Variants in ELMO1 observed in about 807,000 individuals in gnomAD.
ELMO1 encodes the protein engulfment and cell motility 1, also known as engulfment and cell motility protein 1.
A neutral mutation model predicts 98.9 loss-of-function variants in ELMO1; 26 were observed. That is an observed-to-expected ratio of 0.26 (90% CI 0.19 to 0.36). ELMO1 has a LOEUF of 0.36. Ranked by LOEUF, ELMO1 falls within the 10% of genes least tolerant of loss-of-function variation. The pLI, the probability that ELMO1 is intolerant of heterozygous loss-of-function variation, is 1.00. For synonymous variants in ELMO1, 346 were observed against 346.0 expected, an observed-to-expected ratio of 1.00 and a Z score of 0.00; for missense variants, 627 against 935.2, an observed-to-expected ratio of 0.67 and a Z score of 4.30.
At chr7:36,926,208 G>C (rs1189172883) in intron 16 of ELMO1, among the ~76,000 whole-genome samples, 1 of 152,198 alleles carries the variant, frequency 6.6e-6, no homozygotes, top group East Asian at 1.9e-4. Flanking sequence ...CAGACTGAGA[G>C]TCCATCCTCA....
intron 1 of ELMO1, among the ~76,000 whole-genome samples, chr7:37,402,779 A>T (rs1324078129): frequency 6.6e-6 from 1 of 152,218 alleles, no homozygotes; most frequent in Non-Finnish European, 1.5e-5. Flanking sequence ...TAAAAGTAGT[A>T]CCTGCATTTT....
Position 37,375,669 on chromosome 7 carries a change from G to GCA in ELMO1, c.-73-32908_-73-32907dup. ...CCAACCTTCAGGTCATGAAGGCCAT[G>GCA]CAGTCTCTCAAGTCCCGAGGCTGTG... is the stretch of plus-strand genomic sequence containing the variant. On this transcript the variant is annotated intron_variant, in intron 1 of 21. Transcript: ENST00000310758. 3 of 1,249,202 alleles carry GCA rather than the reference G, an allele frequency of 2.4e-6. No individual in the cohort carries two copies. In the East Asian group the frequency reaches 7.0e-5, roughly 29 times the overall value. The allele number at this position is 1,249,202 out of a possible 1,614,324, so 77.4% of individuals were successfully genotyped here.
intron 5 of ELMO1, 128 bp downstream of exon 5, chr7:37,271,704 G>GCCTTTTGCTTTGCACTAAAGCAT: frequency 1.1e-6 from 1 of 943,396 alleles, no homozygotes; most frequent in Non-Finnish European, 1.6e-6. Context: ...GAATCTGCAT[G>GCCTTTTGCTTTGCACTAAAGCAT]TCAGGACATT....
At chr7:37,174,204 C>A (rs1790368884) in intron 13 of ELMO1, among the ~76,000 whole-genome samples, 1 of 152,182 alleles carries the variant, frequency 6.6e-6, no homozygotes, top group Non-Finnish European at 1.5e-5. Context: ...CCTCCCACTT[C>A]CTTTTTCCTA....
intron 21 of ELMO1, among the ~76,000 whole-genome samples, chr7:36,858,859 C>A (rs1015662233): frequency 6.6e-6 from 1 of 152,212 alleles, no homozygotes; most frequent in African/African-American, 2.4e-5. Flanking sequence ...CACAGCCCTG[C>A]TGATACCTTG....
chr7:37,199,276 G>C (rs929824450), intron 13 of ELMO1, among the ~76,000 whole-genome samples: 3 of 152,112 alleles, frequency 2.0e-5, no homozygotes, highest in Admixed American at 6.5e-5. Flanking sequence ...TGAATCATAG[G>C]TCATTTGTTT....
chr7:36,896,904 G>A (rs1447404951), intron 16 of ELMO1, among the ~76,000 whole-genome samples: 1 of 152,128 alleles, frequency 6.6e-6, no homozygotes, highest in African/African-American at 2.4e-5. Flanking sequence ...AATGATATCT[G>A]GCTTTCTTGT....
At chr7:37,235,677 A>AATC (rs1374144303) in intron 7 of ELMO1, among the ~76,000 whole-genome samples, 2 of 152,250 alleles carry the variant, frequency 1.3e-5, no homozygotes, top group African/African-American at 4.8e-5. Context: ...TCATGCCTGC[A>AATC]ATCCCAGCAC....
intron 4 of ELMO1, among the ~76,000 whole-genome samples, chr7:37,280,090 A>G (rs1005325058): frequency 5.9e-5 from 9 of 152,272 alleles, no homozygotes; most frequent in African/African-American, 2.2e-4. Flanking sequence ...AAACAAAAAC[A>G]TAAAGTGGGG....
In ELMO1 at chr7:36,895,504, C is replaced by T. The variant is rs569986159; in HGVS notation, c.1438-487G>A. 1.9e-3 allele frequency among the ~76,000 whole-genome samples: 289 copies of T among 152,274 alleles called. 1 individual carries two copies. Among genetic ancestry groups the T allele is most frequent in the African/African-American group, 6.1e-3 (255 of 41,558 alleles). On this transcript the variant is annotated intron_variant, in intron 16 of 21. Coordinates refer to ENST00000310758, the MANE Select transcript of ELMO1 (RefSeq NM_014800.11). Reference sequence around the variant, plus strand: ...ACACTCCCCTCTCCCAGACTGCTTTCGCCATGTAGTTAGGGCTTGAGTGTT... The same window carrying T: ...ACACTCCCCTCTCCCAGACTGCTTTTGCCATGTAGTTAGGGCTTGAGTGTT...
At chr7:37,333,010 A>G (rs73112660) in intron 2 of ELMO1, among the ~76,000 whole-genome samples, 20,641 of 152,040 alleles carry the variant, frequency 0.14, 1,508 homozygotes, top group Non-Finnish European at 0.17. Context: ...TTGCTATTTG[A>G]GGGGCTATGG....
chr7:36,957,871 A>G (rs1381196237), intron 16 of ELMO1, among the ~76,000 whole-genome samples: 1 of 152,066 alleles, frequency 6.6e-6, no homozygotes, highest in Non-Finnish European at 1.5e-5. Flanking sequence ...CAGCAGCACA[A>G]GCTTATCTGT....
chr7:36,958,343 C>T (rs2129115932), intron 16 of ELMO1, among the ~76,000 whole-genome samples: 1 of 152,274 alleles, frequency 6.6e-6, no homozygotes, highest in South Asian at 2.1e-4. Flanking sequence ...AAATTTATGA[C>T]CTTAACTAAC....
chr7:37,215,122 A>G (rs1793206133), intron 11 of ELMO1, among the ~76,000 whole-genome samples: 3 of 152,248 alleles, frequency 2.0e-5, no homozygotes, highest in Admixed American at 2.0e-4. Context: ...TTCAGATTTC[A>G]GTTCCAGAGG....
At chr7:36,971,398 C>G (rs940183806) in intron 16 of ELMO1, among the ~76,000 whole-genome samples, 1 of 152,178 alleles carries the variant, frequency 6.6e-6, no homozygotes, top group African/African-American at 2.4e-5. Context: ...ACACTTAAGT[C>G]ATTTAAAGTC....
At chr7:37,428,577 A>G (rs757434988) in intron 1 of ELMO1, among the ~76,000 whole-genome samples, 9 of 152,248 alleles carry the variant, frequency 5.9e-5, no homozygotes, top group Non-Finnish European at 8.8e-5. Flanking sequence ...CATGTAGCCT[A>G]AAGATCAAAA....
chr7:37,107,851 G>C (rs977952218), intron 14 of ELMO1, among the ~76,000 whole-genome samples: 7 of 152,306 alleles, frequency 4.6e-5, no homozygotes, highest in African/African-American at 1.4e-4. Context: ...GTCTAAGTCA[G>C]CTCCCACTCA....
intron 16 of ELMO1, among the ~76,000 whole-genome samples, chr7:36,942,647 T>C (rs772515760): frequency 1.2e-4 from 19 of 152,182 alleles, no homozygotes; most frequent in Non-Finnish European, 2.5e-4. Context: ...TCTGGACAAA[T>C]GGCATAGTTT....
At chr7:36,910,491 T>G (rs1418244940) in intron 16 of ELMO1, among the ~76,000 whole-genome samples, 1 of 152,052 alleles carries the variant, frequency 6.6e-6, no homozygotes, top group Non-Finnish European at 1.5e-5. Flanking sequence ...ACTTTGCAGG[T>G]CAATGGAAAG....
Sources: gnomAD v4.1 joint callset for allele counts (sites outside exome capture counted in the v4.1 genomes callset) on GRCh38, gnomAD v4.1.1 for gene constraint, MANE v1.5 for transcripts, NCBI Gene and HGNC (gene_info 2026-07-23, HGNC 2026-07-21) for gene names.